Variants in SFSWAP observed in about 807,000 individuals in gnomAD.
SFSWAP encodes the protein splicing factor SWAP.
A neutral mutation model predicts 100.7 loss-of-function variants in SFSWAP; 17 were observed. The ratio of observed to expected loss-of-function variants is 0.17; its 90% CI spans 0.12 to 0.25. The LOEUF is 0.25. SFSWAP is among the 10% of genes least tolerant of loss of function. The pLI is 1.00. For missense variants in SFSWAP, 1,005 were observed against 1,262.6 expected, an observed-to-expected ratio of 0.80 and a Z score of 3.09; for synonymous variants, 504 against 510.1, an observed-to-expected ratio of 0.99 and a Z score of 0.16.
intron 13 of SFSWAP, 130 bp from the exon 14 acceptor site, chr12:131,777,935 A>C (rs1884155654): frequency 7.0e-7 from 1 of 1,437,838 alleles, no homozygotes; most frequent in Non-Finnish European, 9.2e-7. Context: ...GGATAGCCAC[A>C]GGAGGAGACT....
chr12:131,734,987 T>C lies in SFSWAP; in HGVS notation c.1081+6559T>C, dbSNP rs1879867434. Among the ~76,000 whole-genome samples, 1 of 152,070 alleles carries C rather than the reference T, an allele frequency of 6.6e-6. No individual in the cohort carries two copies. Among genetic ancestry groups the C allele is most frequent in the Non-Finnish European group, 1.5e-5 (1 of 68,016 alleles). The stretch of plus-strand genomic sequence containing the variant: ...AAGCGACTGTCCGTGAAGGTGACGC[T>C]CATACCGTAACCTTAGCAGCAGGCT... On this transcript the variant is annotated intron_variant, in intron 7 of 17. Transcript: ENST00000261674. The surrounding 1 kb of genome is among the most constrained non-coding windows in gnomAD (Gnocchi z 4.9).
intron 17 of SFSWAP, 92 bp downstream of exon 17, chr12:131,799,201 T>C: frequency 8.7e-7 from 1 of 1,146,084 alleles, no homozygotes; most frequent in Non-Finnish European, 1.3e-6. Context: ...GTCCCTCCTG[T>C]CCCTGTCATG....
At chr12:131,718,264 T>C (rs569608151) in intron 3 of SFSWAP, among the ~76,000 whole-genome samples, 12 of 152,364 alleles carry the variant, frequency 7.9e-5, no homozygotes, top group African/African-American at 2.9e-4. Context: ...ATTGATCGCT[T>C]CAAGAGCCTT....
In SFSWAP at chr12:131,734,717, A is replaced by G. The variant is rs1429874849; in HGVS notation, c.1081+6289A>G. On this transcript the variant is annotated intron_variant, in intron 7 of 17. Transcript: ENST00000261674. This position sits in a 1 kb window ranked among gnomAD's most constrained non-coding sequence, Gnocchi z 4.9. ...AGTGAAGAGCAGAAGTTCCAAAAGCACCTGGTGCTTCCTGGGAGAAGTCAC... is the reference window on the plus strand; with the variant it reads ...AGTGAAGAGCAGAAGTTCCAAAAGCGCCTGGTGCTTCCTGGGAGAAGTCAC... Among the ~76,000 whole-genome samples, 1 of 152,206 alleles carries G rather than the reference A, an allele frequency of 6.6e-6. No individual in the cohort carries two copies. Among genetic ancestry groups the G allele is most frequent in the East Asian group, 1.9e-4 (1 of 5,198 alleles).
At chr12:131,740,592 G>A (rs371288939) in intron 7 of SFSWAP, among the ~76,000 whole-genome samples, 5 of 152,080 alleles carry the variant, frequency 3.3e-5, no homozygotes, top group Admixed American at 2.0e-4. Flanking sequence ...CTCTTGGTTC[G>A]GGTCACCTTT....
intron 7 of SFSWAP, among the ~76,000 whole-genome samples, chr12:131,731,088 G>A (rs1259484000): frequency 1.3e-5 from 2 of 152,180 alleles, no homozygotes; most frequent in Non-Finnish European, 1.5e-5. Context: ...TCAGAAGGTG[G>A]GGGAGGTGTC....
chr12:131,738,820 T>C (rs1880293531), intron 7 of SFSWAP, among the ~76,000 whole-genome samples: 1 of 151,926 alleles, frequency 6.6e-6, no homozygotes, highest in African/African-American at 2.4e-5. Flanking sequence ...CTCCATTAAT[T>C]GATAATTTGA....
In SFSWAP at chr12:131,746,319, G is replaced by A. The variant is rs115014223; in HGVS notation, c.1082-6804G>A. On this transcript the variant is annotated intron_variant, in intron 7 of 17. Coordinates refer to ENST00000261674, the MANE Select transcript of SFSWAP (RefSeq NM_004592.4). ...GCCTTCCTAGCTGAGGACCTACAGCGTTGTTGCAGTGTAGACTCATGTAAT... is the reference window on the plus strand; with the variant it reads ...GCCTTCCTAGCTGAGGACCTACAGCATTGTTGCAGTGTAGACTCATGTAAT... Among the ~76,000 whole-genome samples, 445 of 152,334 alleles carry A rather than the reference G, an allele frequency of 2.9e-3. 1 individual carries two copies. The highest frequency in any genetic ancestry group is 0.01 in the African/African-American group (419 of 41,570).
chr12:131,743,710 GGCA>G (rs1329453242), intron 7 of SFSWAP, among the ~76,000 whole-genome samples: 5 of 152,252 alleles, frequency 3.3e-5, no homozygotes, highest in Non-Finnish European at 5.9e-5. Context: ...AGCTGCACTA[GGCA>G]GTACCCCAGT....
intron 7 of SFSWAP, 40 bp downstream of exon 7, chr12:131,728,468 G>A (rs1377749618): frequency 1.3e-6 from 2 of 1,595,122 alleles, no homozygotes; most frequent in Admixed American, 1.7e-5. Flanking sequence ...GTGTTCAGCT[G>A]CCTGTGACAG....
At position 131,761,390 on chromosome 12, in the gene SFSWAP, C is replaced by T. The variant is rs978656743; in HGVS notation, c.1721-3066C>T. On this transcript the variant is annotated intron_variant, in intron 11 of 17. Transcript: ENST00000261674. ...GTCCCCGCATGGTCCCGTCCTCCAC[C>T]GCCTAGGAGATAGTGGACCATCAGT... Among the ~76,000 whole-genome samples, 5 of 152,228 alleles carry T rather than the reference C, an allele frequency of 3.3e-5. No homozygotes were observed. In the East Asian group the frequency reaches 5.8e-4, roughly 18 times the overall value.
intron 7 of SFSWAP, among the ~76,000 whole-genome samples, chr12:131,743,198 T>G (rs1880817011): frequency 6.6e-6 from 1 of 152,156 alleles, no homozygotes; most frequent in Non-Finnish European, 1.5e-5. Context: ...ATCCTCACAT[T>G]TCAAAACCAG....
intron 7 of SFSWAP, among the ~76,000 whole-genome samples, chr12:131,747,707 G>T (rs890668839): frequency 2.0e-5 from 3 of 152,230 alleles, no homozygotes; most frequent in African/African-American, 7.2e-5. Context: ...CTGGATGGAT[G>T]AGGGGTGTGG....
intron 7 of SFSWAP, among the ~76,000 whole-genome samples, chr12:131,741,826 T>C (rs1263478023): frequency 2.6e-5 from 4 of 152,094 alleles, no homozygotes; most frequent in African/African-American, 9.7e-5. Context: ...AGCTCAAAGG[T>C]TCCTCGGGTC....
chr12:131,791,913 CTG>C (rs1885256026), intron 15 of SFSWAP, among the ~76,000 whole-genome samples: 1 of 152,236 alleles, frequency 6.6e-6, no homozygotes, highest in African/African-American at 2.4e-5. Context: ...CAGATCAGTA[CTG>C]TGTGCACCCG....
At chr12:131,777,571 CT>C (rs1350725730) in intron 13 of SFSWAP, among the ~76,000 whole-genome samples, 1 of 152,168 alleles carries the variant, frequency 6.6e-6, no homozygotes, top group East Asian at 1.9e-4. Flanking sequence ...GGTTCGAAAT[CT>C]TTGCTATTGT....
chr12:131,725,468 G>A lies in SFSWAP; in HGVS notation c.670G>A (p.Ala224Thr). 6.2e-7 allele frequency: 1 copy of A among 1,614,180 alleles called. No individual in the cohort carries two copies. The highest frequency in any genetic ancestry group is 2.2e-5 in the East Asian group (1 of 44,880). Residue 224 changes from alanine (A) to threonine (T), a missense_variant, in exon 5 of 18, where the codon GCA becomes ACA. Transcript: ENST00000261674. This position sits in a 1 kb window ranked among gnomAD's most constrained non-coding sequence, Gnocchi z 4.3. ...RTASFVCRQG[A>T]QFEIMLKAKQ... ...GGCCAGCTTCGTGTGCAGGCAGGGA[G>A]CACAGTTTGAGATCATGCTGAAGGC...
Position 131,714,295 on chromosome 12 carries a change from T to C in SFSWAP, c.388+55T>C. On this transcript the variant is annotated intron_variant, in intron 2 of 17. Transcript: ENST00000261674. The surrounding 1 kb of genome is among the most constrained non-coding windows in gnomAD (Gnocchi z 6.0). ...ACAAACTTTTTAAAATTTTTAAGTA[T>C]TTAAAAATTTACTCCCATTCATTTT... 4.2e-6 allele frequency: 6 copies of C among 1,444,156 alleles called. No individual in the cohort carries two copies. Among genetic ancestry groups the C allele is most frequent in the Non-Finnish European group, 4.7e-6 (5 of 1,060,610 alleles). 89.5% of individuals were successfully genotyped at this position (1,444,156 alleles called of 1,614,324 possible).
chr12:131,711,572 C>T lies in SFSWAP; in HGVS notation c.218+125C>T, dbSNP rs577564368. On this transcript the variant is annotated intron_variant, in intron 1 of 17. Transcript: ENST00000261674. This position sits in a 1 kb window ranked among gnomAD's most constrained non-coding sequence, Gnocchi z 4.9. The stretch of plus-strand genomic sequence containing the variant: ...GCCAGCGGGGATCTGGGGGACACCC[C>T]CTCCCCTGTCCCCACCTCCTCCTGG... 1.1e-4 allele frequency: 85 copies of T among 754,154 alleles called. No individual in the cohort carries two copies. The highest frequency in any genetic ancestry group is 5.0e-4 in the Middle Eastern group (2 of 3,992). 46.7% of individuals were successfully genotyped at this position (754,154 alleles called of 1,614,324 possible). A position where few individuals can be genotyped will look rare whatever the true frequency, so the allele number is the denominator to read the frequency against.
Sources: allele counts gnomAD v4.1 joint callset (sites outside exome capture counted in the v4.1 genomes callset), GRCh38; gene constraint gnomAD v4.1.1; non-coding constraint Gnocchi (gnomAD v3.1); transcripts MANE v1.5; gene names NCBI Gene and HGNC (gene_info 2026-07-23, HGNC 2026-07-21).